ITGB6: variants seen among roughly 807,000 people sequenced by gnomAD.
ITGB6 encodes integrin subunit beta 6.
Under a neutral mutation model 84.5 loss-of-function variants are expected in ITGB6, and 80 were observed. The ratio of observed to expected loss-of-function variants is 0.95; its 90% CI spans 0.79 to 1.14. ITGB6 has a LOEUF of 1.14. Among genes scored for constraint, ITGB6 ranks in the 50% most tolerant of loss-of-function variants. ITGB6 has a pLI of 0.00. For synonymous variants in ITGB6, 383 were observed against 354.9 expected, an observed-to-expected ratio of 1.08 and a Z score of -0.89; for missense variants, 1,006 against 968.0, an observed-to-expected ratio of 1.04 and a Z score of -0.52.
intron 12 of ITGB6, among the ~76,000 whole-genome samples, chr2:160,114,183 T>C (rs1489399677): frequency 6.6e-6 from 1 of 152,208 alleles, no homozygotes; most frequent in Non-Finnish European, 1.5e-5. Context: ...ACAACTCCCA[T>C]GTTGCTTTAA....
intron 7 of ITGB6, among the ~76,000 whole-genome samples, chr2:160,146,099 T>A (rs1684175860): frequency 7.0e-6 from 1 of 142,444 alleles, no homozygotes; most frequent in African/African-American, 2.5e-5. Context: ...ATAGACCATG[T>A]GAGGCATGCC....
Position 160,148,570 on chromosome 2 carries a change from G to A in ITGB6, c.1018-6499C>T, listed in dbSNP as rs147009160. 3.9e-5 allele frequency among the ~76,000 whole-genome samples: 6 copies of A among 152,262 alleles called. No individual in the cohort carries two copies. The South Asian group carries it at 6.2e-4, about 16-fold the overall frequency. On this transcript the variant is annotated intron_variant, in intron 7 of 14. Transcript: ENST00000283249. ...GGTGATTTCTGCATTTTCAACTGAG[G>A]TACCTGCTTCATCTCATTGGGACTG...
At chr2:160,133,716 C>T (rs1300869466) in intron 10 of ITGB6, among the ~76,000 whole-genome samples, 1 of 152,198 alleles carries the variant, frequency 6.6e-6, no homozygotes, top group East Asian at 1.9e-4. Context: ...TCTCAGACCA[C>T]AGTGCAATCA....
intron 10 of ITGB6, among the ~76,000 whole-genome samples, chr2:160,136,253 C>T (rs1398584105): frequency 6.6e-6 from 1 of 152,216 alleles, no homozygotes; most frequent in African/African-American, 2.4e-5. Context: ...TATGAACAGA[C>T]ACTTCTCAAA....
chr2:160,188,977 A>G (rs895043246), intron 4 of ITGB6, among the ~76,000 whole-genome samples: 1 of 152,130 alleles, frequency 6.6e-6, no homozygotes, highest in Non-Finnish European at 1.5e-5. Context: ...AGTAACCAAA[A>G]CAGCATGGTA....
At chr2:160,145,102 A>C (rs949104673) in intron 7 of ITGB6, among the ~76,000 whole-genome samples, 1 of 152,192 alleles carries the variant, frequency 6.6e-6, no homozygotes, top group Non-Finnish European at 1.5e-5. Context: ...GTCTTAACGC[A>C]CTATTATAAA....
chr2:160,132,504 T>C (rs1683509328), intron 10 of ITGB6, among the ~76,000 whole-genome samples: 1 of 152,140 alleles, frequency 6.6e-6, no homozygotes, highest in South Asian at 2.1e-4. Context: ...TTTTATATGT[T>C]CCTAACGCTG....
chr2:160,190,678 T>G (rs1161069211), intron 4 of ITGB6, among the ~76,000 whole-genome samples: 1 of 152,160 alleles, frequency 6.6e-6, no homozygotes, highest in African/African-American at 2.4e-5. Flanking sequence ...AATAAATGCA[T>G]GAATAAAGTA....
chr2:160,147,208 C>G (rs1684231203), intron 7 of ITGB6, among the ~76,000 whole-genome samples: 2 of 151,588 alleles, frequency 1.3e-5, no homozygotes, highest in African/African-American at 4.8e-5. Context: ...AGAATATAAC[C>G]AGCTCCCTAG....
intron 12 of ITGB6, 122 bp from the exon 13 acceptor site, chr2:160,112,321 G>T: frequency 1.1e-6 from 1 of 951,244 alleles, no homozygotes; most frequent in Non-Finnish European, 1.6e-6. Flanking sequence ...AATGAGAATA[G>T]GAGAGGCATA....
chr2:160,189,638 T>G (rs1686056750), intron 4 of ITGB6, among the ~76,000 whole-genome samples: 1 of 151,894 alleles, frequency 6.6e-6, no homozygotes, highest in Non-Finnish European at 1.5e-5. Context: ...GAAATGCAAA[T>G]CAAAACCACA....
intron 7 of ITGB6, among the ~76,000 whole-genome samples, chr2:160,150,172 G>T (rs1684357106): frequency 6.6e-6 from 1 of 152,130 alleles, no homozygotes; most frequent in Non-Finnish European, 1.5e-5. Flanking sequence ...CACCAAAGTT[G>T]AAATGAATGA....
chr2:160,111,656 C>T lies in ITGB6; in HGVS notation c.2101+424G>A, dbSNP rs368666625. Among the ~76,000 whole-genome samples, 226 of 143,890 alleles carry T rather than the reference C, an allele frequency of 1.6e-3. 4 individuals are homozygous for T. In the South Asian group the frequency reaches 0.046, roughly 29 times the overall value. 94.4% of individuals were successfully genotyped at this position (143,890 alleles called of 152,430 possible). ...GTGCAGTGGCGCGATCTCGGATCAA[C>T]GCAACCTACACCTCCCAGGCTCAAG... On this transcript the variant is annotated intron_variant, in intron 13 of 14. Coordinates refer to ENST00000283249, the MANE Select transcript of ITGB6 (RefSeq NM_000888.5).
chr2:160,113,837 C>T (rs1017396652), intron 12 of ITGB6, among the ~76,000 whole-genome samples: 1 of 152,102 alleles, frequency 6.6e-6, no homozygotes, highest in African/African-American at 2.4e-5. Flanking sequence ...TTTTATTTGG[C>T]CTTTACCACA....
Position 160,115,419 on chromosome 2 carries a change from T to C in ITGB6, c.1982-3220A>G, listed in dbSNP as rs556422502. On this transcript the variant is annotated intron_variant, in intron 12 of 14. Coordinates refer to ENST00000283249, the MANE Select transcript of ITGB6 (RefSeq NM_000888.5). ...GCAAACAGGGTCTGGAGTGGACCTCTAGCAAACTCCAACAGACCTGCAGCT... is the reference window on the plus strand; with the variant it reads ...GCAAACAGGGTCTGGAGTGGACCTCCAGCAAACTCCAACAGACCTGCAGCT... Among the ~76,000 whole-genome samples the C allele has an allele frequency of 2.3e-3, 351 of 152,338 alleles. 1 individual carries two copies. Among genetic ancestry groups the C allele is most frequent in the African/African-American group, 7.9e-3 (329 of 41,582 alleles).
chr2:160,162,508 C>T (rs1684858419), intron 7 of ITGB6, among the ~76,000 whole-genome samples: 1 of 152,134 alleles, frequency 6.6e-6, no homozygotes, highest in Admixed American at 6.5e-5. Flanking sequence ...GGCAGTTACA[C>T]AGCATGCAAC....
At chr2:160,190,367 A>G (rs1686094736) in intron 4 of ITGB6, among the ~76,000 whole-genome samples, 1 of 151,688 alleles carries the variant, frequency 6.6e-6, no homozygotes, top group African/African-American at 2.4e-5. Context: ...AAAAAAAAAC[A>G]CTCTTTGTGA....
In ITGB6 at chr2:160,119,738, A is replaced by C. The variant is rs1372957408; in HGVS notation, c.1981+4053T>G. Among the ~76,000 whole-genome samples the C allele has an allele frequency of 6.9e-3, 1,041 of 151,750 alleles. 13 individuals are homozygous for C. The highest frequency in any genetic ancestry group is 0.024 in the African/African-American group (993 of 41,052). On this transcript the variant is annotated intron_variant, in intron 12 of 14. Transcript: ENST00000283249. ...ATCAGAATGAACAGGCAACCTACAGAATGGGAGAAAATTTTCGCAACCTAC... is the reference window on the plus strand; with the variant it reads ...ATCAGAATGAACAGGCAACCTACAGCATGGGAGAAAATTTTCGCAACCTAC...
chr2:160,150,627 G>A (rs1198530583), intron 7 of ITGB6, among the ~76,000 whole-genome samples: 2 of 152,110 alleles, frequency 1.3e-5, no homozygotes, highest in African/African-American at 2.4e-5. Context: ...TAAATGTAAA[G>A]GGGCTAAATG....
Sources: gnomAD v4.1 joint callset for allele counts (sites outside exome capture counted in the v4.1 genomes callset) on GRCh38, gnomAD v4.1.1 for gene constraint, MANE v1.5 for transcripts, NCBI Gene and HGNC (gene_info 2026-07-23, HGNC 2026-07-21) for gene names.